Variants in CAMKMT observed in about 807,000 individuals in gnomAD.
The protein encoded by CAMKMT is calmodulin-lysine N-methyltransferase.
CAMKMT carries 53 observed loss-of-function variants against 48.0 expected under a neutral mutation model. That is an observed-to-expected ratio of 1.10 (90% CI 0.89 to 1.39). The LOEUF is 1.39. Among genes scored for constraint, CAMKMT ranks in the 40% most tolerant of loss-of-function variants. The pLI is 0.00. For missense variants in CAMKMT, 428 were observed against 402.7 expected, an observed-to-expected ratio of 1.06 and a Z score of -0.54; for synonymous variants, 165 against 152.3, an observed-to-expected ratio of 1.08 and a Z score of -0.61.
At chr2:44,693,832 G>A (rs1315622272) in intron 3 of CAMKMT, among the ~76,000 whole-genome samples, 1 of 152,192 alleles carries the variant, frequency 6.6e-6, no homozygotes, top group Non-Finnish European at 1.5e-5. Flanking sequence ...CTTCCAGAAG[G>A]TTTGATGGCT....
rs1573115523 is a variant in CAMKMT, at chr2:44,703,140, T to C, written c.377-1143T>C. 2.6e-5 allele frequency among the ~76,000 whole-genome samples: 4 copies of C among 152,132 alleles called. No individual in the cohort carries two copies. In the South Asian group the frequency reaches 8.3e-4, roughly 32 times the overall value. Reference sequence around the variant, plus strand: ...GGGGGAAAACATAATTTTTATAAGGTTATAGTTTATTCTAATTATAAGGGT... The same window carrying C: ...GGGGGAAAACATAATTTTTATAAGGCTATAGTTTATTCTAATTATAAGGGT... On this transcript the variant is annotated intron_variant, in intron 3 of 10. Transcript: ENST00000378494.
chr2:44,719,516 T>C (rs1678350970), intron 7 of CAMKMT, among the ~76,000 whole-genome samples: 1 of 152,202 alleles, frequency 6.6e-6, no homozygotes, highest in African/African-American at 2.4e-5. Context: ...CAGATCATGT[T>C]CTTGAAGGCA....
intron 9 of CAMKMT, among the ~76,000 whole-genome samples, chr2:44,755,576 A>G (rs1680336499): frequency 6.6e-6 from 1 of 152,156 alleles, no homozygotes. Context: ...TTTGTGGCAA[A>G]TACTCCATTT....
intron 7 of CAMKMT, among the ~76,000 whole-genome samples, chr2:44,717,725 A>G (rs1036399625): frequency 6.6e-6 from 1 of 152,172 alleles, no homozygotes; most frequent in Admixed American, 6.5e-5. Flanking sequence ...TAGCACTTCA[A>G]AGCTTGACAT....
chr2:44,439,194 T>A (rs1472629094), intron 3 of CAMKMT, among the ~76,000 whole-genome samples: 1 of 152,186 alleles, frequency 6.6e-6, no homozygotes, highest in Non-Finnish European at 1.5e-5. Flanking sequence ...CATCACTTGT[T>A]ATTAAAACAT....
chr2:44,726,450 T>A (rs1678791846), intron 7 of CAMKMT, among the ~76,000 whole-genome samples: 1 of 152,206 alleles, frequency 6.6e-6, no homozygotes, highest in Admixed American at 6.5e-5. Context: ...TCCGTTCACG[T>A]CCTTTGCCCT....
At chr2:44,495,321 T>C (rs1345052052) in intron 3 of CAMKMT, among the ~76,000 whole-genome samples, 1 of 152,022 alleles carries the variant, frequency 6.6e-6, no homozygotes, top group Non-Finnish European at 1.5e-5. Context: ...TTAAATTTTT[T>C]TGGTAGCGGT....
intron 7 of CAMKMT, among the ~76,000 whole-genome samples, chr2:44,730,288 A>G (rs1003490538): frequency 2.2e-4 from 34 of 152,192 alleles, no homozygotes; most frequent in African/African-American, 8.2e-4. Flanking sequence ...GTAAGATCAC[A>G]TGCAGTTCCA....
chr2:44,483,454 C>T (rs112832447), intron 3 of CAMKMT, among the ~76,000 whole-genome samples: 1,804 of 152,210 alleles, frequency 0.012, 39 homozygotes, highest in African/African-American at 0.041. Flanking sequence ...ATATATTACA[C>T]ATAGGCAGTG....
chr2:44,708,877 A>G (rs1558809981), intron 6 of CAMKMT, among the ~76,000 whole-genome samples: 1 of 151,958 alleles, frequency 6.6e-6, no homozygotes, highest in African/African-American at 2.4e-5. Context: ...AGAAACTTTC[A>G]GCTTGGGCCC....
At position 44,394,993 on chromosome 2, in the gene CAMKMT, T is replaced by TA. The variant is rs111573063; in HGVS notation, c.376+4696dup. ...GGGCAATATAGCAAGACTTTTCCTG[T>TA]AAAAAAAAGACAATCAAATATTTAT... On this transcript the variant is annotated intron_variant, in intron 3 of 10. Coordinates refer to ENST00000378494, the MANE Select transcript of CAMKMT (RefSeq NM_024766.5). 1.0e-3 allele frequency: 448 copies of TA among 444,436 alleles called. 1 individual carries two copies. Among genetic ancestry groups the TA allele is most frequent in the African/African-American group, 7.6e-3 (377 of 49,308 alleles). 27.5% of individuals were successfully genotyped at this position (444,436 alleles called of 1,614,324 possible).
rs115527191 is a variant in CAMKMT at position 44,766,261 on chromosome 2, A to C, written c.763-169A>C. On this transcript the variant is annotated intron_variant, in intron 9 of 10. Transcript: ENST00000378494. The stretch of plus-strand genomic sequence containing the variant: ...TGAAATCGATTCTTATATGATATAC[A>C]TCTCTCCTGGAAATTATTCTCACTG... Among the ~76,000 whole-genome samples the C allele has an allele frequency of 8.0e-3, 1,222 of 152,334 alleles. 8 individuals carry two copies. The highest frequency in any genetic ancestry group is 0.02 in the Middle Eastern group (6 of 294).
At chr2:44,385,027 G>A (rs1680642348) in intron 2 of CAMKMT, among the ~76,000 whole-genome samples, 1 of 152,100 alleles carries the variant, frequency 6.6e-6, no homozygotes, top group South Asian at 2.1e-4. Flanking sequence ...AATGATGGTG[G>A]TATTTTGATG....
At chr2:44,500,168 T>A (rs530129260) in intron 3 of CAMKMT, among the ~76,000 whole-genome samples, 2 of 152,296 alleles carry the variant, frequency 1.3e-5, no homozygotes, top group South Asian at 4.1e-4. Context: ...TCCCTACATG[T>A]CTCTAGAGTA....
chr2:44,695,590 T>C (rs1006062262), intron 3 of CAMKMT, among the ~76,000 whole-genome samples: 1 of 152,196 alleles, frequency 6.6e-6, no homozygotes, highest in Admixed American at 6.5e-5. Context: ...ACTTGGAGAC[T>C]GAACAATGCA....
At chr2:44,725,143 C>CGT (rs4039394) in intron 7 of CAMKMT, among the ~76,000 whole-genome samples, 11,503 of 140,298 alleles carry the variant, frequency 0.082, 525 homozygotes, top group South Asian at 0.14. Context: ...GCTTTCTGGA[C>CGT]GTGTGTGTGT....
At chr2:44,673,651 C>A (rs1166777808) in intron 3 of CAMKMT, among the ~76,000 whole-genome samples, 1 of 151,902 alleles carries the variant, frequency 6.6e-6, no homozygotes, top group East Asian at 1.9e-4. Flanking sequence ...AAGGCACTTG[C>A]TGCAAAACCT....
intron 3 of CAMKMT, among the ~76,000 whole-genome samples, chr2:44,394,556 T>C (rs1681647759): frequency 6.6e-6 from 1 of 151,912 alleles, no homozygotes; most frequent in Non-Finnish European, 1.5e-5. Flanking sequence ...GCCTCCCGAG[T>C]AGCTGGGATT....
At chr2:44,570,140 A>T (rs1668831564) in intron 3 of CAMKMT, among the ~76,000 whole-genome samples, 1 of 152,212 alleles carries the variant, frequency 6.6e-6, no homozygotes, top group African/African-American at 2.4e-5. Flanking sequence ...GTTTCCCCCA[A>T]ATACAATGAG....
Sources: allele counts gnomAD v4.1 joint callset (sites outside exome capture counted in the v4.1 genomes callset), GRCh38; gene constraint gnomAD v4.1.1; transcripts MANE v1.5; gene names NCBI Gene and HGNC (gene_info 2026-07-23, HGNC 2026-07-21).